The following GRID2 variants were observed in gnomAD, a reference collection of about 807,000 sequenced individuals.
GRID2 encodes the protein glutamate ionotropic receptor delta type subunit 2, also known as glutamate receptor ionotropic, delta-2.
GRID2 carries 33 observed loss-of-function variants against 114.8 expected under a neutral mutation model. That is an observed-to-expected ratio of 0.29 (90% CI 0.22 to 0.38). The LOEUF (loss-of-function observed/expected upper bound fraction) is 0.38, where lower values mean the gene tolerates loss of function less well. Ranked by LOEUF, GRID2 falls within the 10% of genes least tolerant of loss-of-function variation. The probability of loss-of-function intolerance (pLI) is 1.00; values close to 1 mark genes in which losing one functional copy is unlikely to be tolerated. For synonymous variants in GRID2, 505 were observed against 449.9 expected (o/e 1.12, Z -1.55); for missense variants, 1,184 against 1,257.7 (o/e 0.94, Z 0.89).
rs929160145 is a variant in GRID2, at chr4:93,772,591, A to T, written c.*93A>T. 7 of 857,954 alleles carry T rather than the reference A, an allele frequency of 8.2e-6. 1 individual carries two copies. In the Admixed American group the frequency reaches 1.0e-4, roughly 13 times the overall value. The allele number at this position is 857,954 out of a possible 1,614,324, so 53.1% of individuals were successfully genotyped here. On this transcript the variant is annotated 3_prime_UTR_variant, in exon 16 of 16. Coordinates refer to ENST00000282020, the MANE Select transcript of GRID2 (RefSeq NM_001510.4). The stretch of plus-strand genomic sequence containing the variant: ...TGGGACTAACATGGATGTAACGTTT[A>T]AAAAAAAGATCAGGATTATTAGTAA...
intron 8 of GRID2, among the ~76,000 whole-genome samples, chr4:93,265,265 A>AC (rs1750696345): frequency 6.6e-6 from 1 of 152,140 alleles, no homozygotes. Context: ...AAACCAAAAA[A>AC]TGTTTTAAAA....
intron 1 of GRID2, among the ~76,000 whole-genome samples, chr4:92,550,115 G>C (rs1726503378): frequency 3.3e-5 from 5 of 152,172 alleles, no homozygotes; most frequent in East Asian, 1.9e-4. Context: ...ACAGTATATA[G>C]AGCCACTGAT....
intron 1 of GRID2, among the ~76,000 whole-genome samples, chr4:92,456,446 A>G (rs1560643382): frequency 6.6e-6 from 1 of 152,140 alleles, no homozygotes; most frequent in Non-Finnish European, 1.5e-5. Context: ...TACGTGAGAG[A>G]CTAGTCAAGT....
chr4:93,266,889 G>C (rs886910561), intron 8 of GRID2, among the ~76,000 whole-genome samples: 1 of 152,066 alleles, frequency 6.6e-6, no homozygotes, highest in African/African-American at 2.4e-5. Context: ...AATACTGTTC[G>C]AATTCTTGGA....
At chr4:92,989,158 T>A (rs559898079) in intron 2 of GRID2, among the ~76,000 whole-genome samples, 2 of 151,072 alleles carry the variant, frequency 1.3e-5, no homozygotes, top group African/African-American at 4.9e-5. Flanking sequence ...ACGCCTGTAG[T>A]CCCAGCTACT....
intron 2 of GRID2, among the ~76,000 whole-genome samples, chr4:92,813,526 A>G (rs1181784743): frequency 1.3e-5 from 2 of 152,148 alleles, no homozygotes; most frequent in Non-Finnish European, 2.9e-5. Flanking sequence ...CAAAATATTC[A>G]TAATACAAAT....
At chr4:93,161,575 T>A (rs1737686227) in intron 4 of GRID2, among the ~76,000 whole-genome samples, 2 of 151,844 alleles carry the variant, frequency 1.3e-5, no homozygotes, top group Non-Finnish European at 2.9e-5. Flanking sequence ...ACTTACTACA[T>A]AATTATCGTT....
intron 4 of GRID2, among the ~76,000 whole-genome samples, chr4:93,141,277 C>T (rs1039735002): frequency 1.3e-5 from 2 of 152,150 alleles, no homozygotes; most frequent in East Asian, 1.9e-4. Context: ...TGTAGTCTTT[C>T]TCCCTTGTTT....
intron 2 of GRID2, among the ~76,000 whole-genome samples, chr4:92,943,021 C>A (rs763316668): frequency 5.9e-5 from 9 of 152,148 alleles, no homozygotes; most frequent in Admixed American, 2.0e-4. Flanking sequence ...TTCATTTCAG[C>A]TTTGGTGAAT....
At chr4:93,026,509 T>C (rs879766460) in intron 2 of GRID2, among the ~76,000 whole-genome samples, 16 of 151,966 alleles carry the variant, frequency 1.1e-4, no homozygotes, top group African/African-American at 3.6e-4. Context: ...AAAGAAGTTA[T>C]GTATACTTTA....
chr4:92,719,732 G>A (rs1455103410), intron 2 of GRID2, among the ~76,000 whole-genome samples: 1 of 151,992 alleles, frequency 6.6e-6, no homozygotes, highest in Non-Finnish European at 1.5e-5. Flanking sequence ...CTACAGGGGG[G>A]AGAATAGGGG....
At chr4:93,537,862 T>G (rs1732252340) in intron 13 of GRID2, among the ~76,000 whole-genome samples, 1 of 151,784 alleles carries the variant, frequency 6.6e-6, no homozygotes, top group Non-Finnish European at 1.5e-5. Context: ...ATATGTTCAT[T>G]TTTTCCTTTT....
intron 2 of GRID2, among the ~76,000 whole-genome samples, chr4:93,038,309 G>A (rs1018921416): frequency 8.6e-5 from 13 of 151,908 alleles, no homozygotes; most frequent in African/African-American, 2.2e-4. Context: ...CATTGATTTT[G>A]TATTCTAAAA....
chr4:93,087,964 G>T (rs915025744), intron 3 of GRID2, among the ~76,000 whole-genome samples: 2 of 152,078 alleles, frequency 1.3e-5, no homozygotes, highest in African/African-American at 4.8e-5. Flanking sequence ...TGGTTATGAA[G>T]AATTGCTTTC....
chr4:93,806,099 T>C (rs1471505564), intron 1 of GRID2, among the ~76,000 whole-genome samples: 1 of 151,502 alleles, frequency 6.6e-6, no homozygotes, highest in African/African-American at 2.4e-5. Context: ...TCCAGAAAAA[T>C]AAAAAAATAA....
intron 1 of GRID2, among the ~76,000 whole-genome samples, chr4:92,435,431 A>T (rs1479218450): frequency 6.6e-6 from 1 of 152,198 alleles, no homozygotes; most frequent in Admixed American, 6.5e-5. Context: ...AGAATGTGCT[A>T]CAAGTGTCAT....
chr4:93,733,562 C>A (rs917858856), intron 14 of GRID2, among the ~76,000 whole-genome samples: 1 of 152,114 alleles, frequency 6.6e-6, no homozygotes, highest in South Asian at 2.1e-4. Flanking sequence ...CTATCTCCAT[C>A]CATATGTCAC....
At chr4:92,992,124 G>T (rs1255749981) in intron 2 of GRID2, among the ~76,000 whole-genome samples, 3 of 152,108 alleles carry the variant, frequency 2.0e-5, no homozygotes, top group Non-Finnish European at 4.4e-5. Context: ...CCAGTTTAAA[G>T]AACTGGGTTG....
At chr4:93,297,145 C>T (rs1394964408) in intron 8 of GRID2, among the ~76,000 whole-genome samples, 1 of 152,102 alleles carries the variant, frequency 6.6e-6, no homozygotes, top group Non-Finnish European at 1.5e-5. Flanking sequence ...GTCCTGTAAT[C>T]CATGACAAGG....
Sources: allele counts gnomAD v4.1 joint callset (sites outside exome capture counted in the v4.1 genomes callset), GRCh38; gene constraint gnomAD v4.1.1; transcripts MANE v1.5; gene names NCBI Gene and HGNC (gene_info 2026-07-23, HGNC 2026-07-21).